Variants in HERC3 observed in about 807,000 individuals in gnomAD.
The protein encoded by HERC3 is probable E3 ubiquitin-protein ligase HERC3.
HERC3 carries 58 observed loss-of-function variants against 129.9 expected under a neutral mutation model. The observed-to-expected ratio is 0.45, with a 90% CI of 0.36 to 0.56. The LOEUF is 0.56. Ranked by LOEUF, HERC3 falls within the 20% of genes least tolerant of loss-of-function variation. HERC3 has a pLI of 0.00. For synonymous variants in HERC3, 430 were observed against 451.0 expected, an observed-to-expected ratio of 0.95 and a Z score of 0.59; for missense variants, 835 against 1,244.2, an observed-to-expected ratio of 0.67 and a Z score of 4.95.
At chr4:88,588,123 A>C (rs1721577524), upstream of HERC3, among the ~76,000 whole-genome samples, 1 of 152,264 alleles carries the variant, frequency 6.6e-6, no homozygotes, top group Admixed American at 6.5e-5. Flanking sequence ...TAAGATTCTT[A>C]TGCTTCATCC....
At chr4:88,593,164 A>C (rs1341224790) in intron 1 of HERC3, 1 of 152,026 alleles carries the variant, frequency 6.6e-6, no homozygotes, top group East Asian at 2.0e-4. Flanking sequence ...GGGGCCCGGC[A>C]CCACCCACTT....
chr4:88,643,148 CAAAT>C (rs1256246178), intron 3 of HERC3, among the ~76,000 whole-genome samples: 14 of 151,990 alleles, frequency 9.2e-5, no homozygotes, highest in African/African-American at 3.1e-4. Flanking sequence ...TATTTCCAAA[CAAAT>C]AAAATACTTA....
chr4:88,621,328 A>G (rs1362963364), intron 3 of HERC3, among the ~76,000 whole-genome samples: 1 of 152,158 alleles, frequency 6.6e-6, no homozygotes, highest in Non-Finnish European at 1.5e-5. Flanking sequence ...GCTGGTCTCA[A>G]ACTCCTGACC....
chr4:88,642,600 A>T (rs941320330), intron 3 of HERC3, among the ~76,000 whole-genome samples: 2 of 152,228 alleles, frequency 1.3e-5, no homozygotes, highest in African/African-American at 4.8e-5. Context: ...TCTGCCGAGC[A>T]CTGTCATCCT....
chr4:88,706,943 G>A lies in HERC3; in HGVS notation c.3136G>A (p.Gly1046Arg). The A allele has an allele frequency of 1.9e-6, 3 of 1,614,122 alleles. No homozygotes were observed. Among genetic ancestry groups the A allele is most frequent in the Non-Finnish European group, 2.5e-6 (3 of 1,179,970 alleles). ...GACCCAGGCCCTTGACAACTATGAA[G>A]GGTTTAGTTTGGCCTGAGGCTTCTC... ...RLTQALDNYEGFSLA is the reference protein window; with the variant it reads ...RLTQALDNYERFSLA The change falls in exon 26 of 26, where the codon GGG (glycine) becomes AGG (arginine). Residue 1046 changes from glycine (G) to arginine (R), a missense_variant. Gly to Arg is a moderately radical substitution (Grantham distance 125, BLOSUM62 -2). Transcript: ENST00000402738.
chr4:88,606,097 G>C, intron 3 of HERC3, 48 bp downstream of exon 3: 1 of 1,492,326 alleles, frequency 6.7e-7, no homozygotes, highest in Non-Finnish European at 9.2e-7. Flanking sequence ...TGGAAAGTTG[G>C]AGGACACAAT....
intron 3 of HERC3, among the ~76,000 whole-genome samples, chr4:88,642,186 G>A (rs1039139063): frequency 2.0e-5 from 3 of 149,534 alleles, no homozygotes; most frequent in Admixed American, 6.6e-5. Flanking sequence ...CCAGACTCAC[G>A]TGGTTTCTCT....
At chr4:88,563,845 A>T in the HERC3 span, among the ~76,000 whole-genome samples, 2 of 151,918 alleles carry the variant, frequency 1.3e-5, no homozygotes, top group African/African-American at 4.8e-5. Flanking sequence ...TTTAGTAGAG[A>T]CAGGGTTTCA....
intron 2 of HERC3, among the ~76,000 whole-genome samples, chr4:88,602,276 C>G (rs1379050072): frequency 6.6e-6 from 1 of 151,078 alleles, no homozygotes; most frequent in Non-Finnish European, 1.5e-5. Context: ...GTGGCACACG[C>G]CTGTAATCCC....
chr4:88,561,732 T>C, the HERC3 span, among the ~76,000 whole-genome samples: 3 of 152,142 alleles, frequency 2.0e-5, no homozygotes, highest in Non-Finnish European at 4.4e-5. Context: ...TTTTAATTTT[T>C]AGTTCCCACA....
At chr4:88,609,423 A>T (rs1724046479) in intron 3 of HERC3, among the ~76,000 whole-genome samples, 1 of 152,236 alleles carries the variant, frequency 6.6e-6, no homozygotes, top group South Asian at 2.1e-4. Flanking sequence ...ATGCCTCAGA[A>T]ATTATGCTAC....
Position 88,686,770 on chromosome 4 carries a change from G to A in HERC3, c.2542G>A (p.Asp848Asn). ...AGAGCTTTTAGATTACCCCGGGGAG[G>A]ATGTGGAGGAGACTTTCTGCCTCAA... ...LQELLDYPGE[D>N]VEETFCLNFT... is the part of the protein sequence containing the mutation. Residue 848 changes from aspartate (D) to asparagine (N), a missense_variant, in exon 22 of 26, where the codon GAT becomes AAT. Physicochemically the swap from Asp to Asn is conservative, Grantham distance 23. Transcript: ENST00000402738. 6.2e-7 allele frequency: 1 copy of A among 1,612,138 alleles called. No individual in the cohort carries two copies. The highest frequency in any genetic ancestry group is 8.5e-7 in the Non-Finnish European group (1 of 1,178,356).
At chr4:88,632,834 C>G (rs986084425) in intron 3 of HERC3, among the ~76,000 whole-genome samples, 1 of 152,152 alleles carries the variant, frequency 6.6e-6, no homozygotes, top group African/African-American at 2.4e-5. Flanking sequence ...GGATGTAGTG[C>G]AAAACTGGAA....
chr4:88,595,462 T>A (rs1240237818), intron 1 of HERC3, 95 bp from the exon 2 acceptor site: 4 of 152,204 alleles, frequency 2.6e-5, no homozygotes, highest in Non-Finnish European at 5.9e-5. Context: ...GATATTCTTA[T>A]TTTCAGAGGT....
At chr4:88,689,220 A>G (rs1733798533) in intron 23 of HERC3, among the ~76,000 whole-genome samples, 1 of 152,050 alleles carries the variant, frequency 6.6e-6, no homozygotes, top group Non-Finnish European at 1.5e-5. Context: ...GAAAATAGGA[A>G]TGGGCTGGAT....
At chr4:88,662,766 G>C (rs1730625668) in intron 11 of HERC3, among the ~76,000 whole-genome samples, 2 of 152,078 alleles carry the variant, frequency 1.3e-5, no homozygotes, top group South Asian at 4.1e-4. Context: ...CTCACACACA[G>C]TATATGCCTC....
rs535236229 is a variant in HERC3, at chr4:88,675,727, T to C, written c.1912-491T>C. ...AAGTGCTGAGTCAGTGACAGCTTAC[T>C]AGATAAAGTTCTTTTTAGAAAGACC... On this transcript the variant is annotated intron_variant, in intron 16 of 25. Coordinates refer to ENST00000402738, the MANE Select transcript of HERC3 (RefSeq NM_014606.3). Among the ~76,000 whole-genome samples the C allele has an allele frequency of 9.2e-5, 14 of 151,792 alleles. No homozygotes were observed. In the East Asian group the frequency reaches 2.7e-3, roughly 29 times the overall value.
intron 3 of HERC3, among the ~76,000 whole-genome samples, chr4:88,648,901 GTT>G (rs936031451): frequency 1.4e-5 from 2 of 141,854 alleles, no homozygotes. Flanking sequence ...GCTTTTGAAG[GTT>G]TTTTTTTTTT....
chr4:88,536,734 TA>T, the HERC3 span, among the ~76,000 whole-genome samples: 1 of 151,036 alleles, frequency 6.6e-6, no homozygotes, highest in Non-Finnish European at 1.5e-5. Flanking sequence ...GCTTGTAATT[TA>T]GCTACCTGTG....
Sources: gnomAD v4.1 joint callset for allele counts (sites outside exome capture counted in the v4.1 genomes callset) on GRCh38, gnomAD v4.1.1 for gene constraint, MANE v1.5 for transcripts, NCBI Gene and HGNC (gene_info 2026-07-23, HGNC 2026-07-21) for gene names.